SEL1L3: variants seen among roughly 807,000 people sequenced by gnomAD.
SEL1L3 encodes SEL1L family member 3.
In SEL1L3, 76 loss-of-function variants were observed where a neutral mutation model predicts 142.8. The ratio of observed to expected loss-of-function variants is 0.53; its 90% confidence interval spans 0.44 to 0.64. The LOEUF is 0.64. SEL1L3 is among the 30% of genes least tolerant of loss of function. The pLI is 0.00. For missense variants in SEL1L3, 1,262 were observed against 1,381.7 expected, an observed-to-expected ratio of 0.91 and a Z score of 1.37; for synonymous variants, 504 against 519.6, an observed-to-expected ratio of 0.97 and a Z score of 0.41.
intron 17 of SEL1L3, among the ~76,000 whole-genome samples, chr4:25,773,821 T>C (rs1233057743): frequency 6.6e-6 from 1 of 152,196 alleles, no homozygotes; most frequent in African/African-American, 2.4e-5. Flanking sequence ...TCTTTGCTTT[T>C]GTTCCTGCAA....
chr4:25,827,826 G>T (rs577895173), intron 6 of SEL1L3, among the ~76,000 whole-genome samples: 31 of 150,332 alleles, frequency 2.1e-4, no homozygotes, highest in Non-Finnish European at 4.4e-4. Flanking sequence ...GGAGCTGGAC[G>T]TGGGTTTCAG....
At position 25,809,097 on chromosome 4, in the gene SEL1L3, G is replaced by T. The variant is rs1025891543; in HGVS notation, c.1565-4345C>A. Among the ~76,000 whole-genome samples, 416 of 147,436 alleles carry T rather than the reference G, an allele frequency of 2.8e-3. 3 individuals are homozygous for T. The highest frequency in any genetic ancestry group is 9.6e-3 in the African/African-American group (388 of 40,396). Reference sequence around the variant, plus strand: ...CAAAAAAAAAAAAAAAAGCCTATTTGTATCTTTCTATGTACTGGGTAAATT... The same window carrying T: ...CAAAAAAAAAAAAAAAAGCCTATTTTTATCTTTCTATGTACTGGGTAAATT... On this transcript the variant is annotated intron_variant, in intron 9 of 23. Coordinates refer to ENST00000399878, the MANE Select transcript of SEL1L3 (RefSeq NM_015187.5).
intron 3 of SEL1L3, 33 bp downstream of exon 3, chr4:25,835,164 C>T (rs1560344017): frequency 2.5e-6 from 4 of 1,611,830 alleles, no homozygotes; most frequent in African/African-American, 1.3e-5. Flanking sequence ...ACAAGCACCG[C>T]CCGATCAGCT....
In SEL1L3 at chr4:25,822,401, G is replaced by A. The variant is rs1577658964; in HGVS notation, c.1158-273C>T. ...AATGATAGTTCTCCACTTACTGGAT[G>A]GTTAAGAGGATTACGTGAAGTGTAA... On this transcript the variant is annotated intron_variant, in intron 6 of 23. Transcript: ENST00000399878. Among the ~76,000 whole-genome samples the A allele has an allele frequency of 2.0e-5, 3 of 152,296 alleles. 1 individual carries two copies. The East Asian group carries it at 5.8e-4, about 29-fold the overall frequency.
chr4:25,800,836 G>T (rs1009190767), intron 11 of SEL1L3, among the ~76,000 whole-genome samples: 4 of 152,148 alleles, frequency 2.6e-5, no homozygotes, highest in Admixed American at 6.5e-5. Context: ...GTGTTTTATA[G>T]CTTGACTCAT....
chr4:25,724,292 G>A, the SEL1L3 span, among the ~76,000 whole-genome samples: 1,184 of 152,096 alleles, frequency 7.8e-3, 13 homozygotes, highest in African/African-American at 0.027. Context: ...GGTGGAGAAC[G>A]CCTGTAGTCC....
At chr4:25,744,938 T>C (rs1717216594), downstream of SEL1L3, among the ~76,000 whole-genome samples, 1 of 152,182 alleles carries the variant, frequency 6.6e-6, no homozygotes. Flanking sequence ...TGTGAGAAAA[T>C]AAATTTCTGT....
At chr4:25,769,995 G>A (rs1324130847) in intron 17 of SEL1L3, among the ~76,000 whole-genome samples, 1 of 152,056 alleles carries the variant, frequency 6.6e-6, no homozygotes, top group Non-Finnish European at 1.5e-5. Context: ...CGGCATGGTG[G>A]TGCATGCCTG....
chr4:25,776,664 ATT>A, intron 16 of SEL1L3: 1 of 237,838 alleles, frequency 4.2e-6, no homozygotes. Flanking sequence ...CTAGTACTCT[ATT>A]AAGTCATGTT....
chr4:25,842,920 G>A (rs182009479), intron 2 of SEL1L3, among the ~76,000 whole-genome samples: 7 of 152,344 alleles, frequency 4.6e-5, no homozygotes, highest in Admixed American at 1.3e-4. Context: ...AGGCAGGGCG[G>A]TGGGGGTGGG....
intron 2 of SEL1L3, among the ~76,000 whole-genome samples, chr4:25,845,636 G>A (rs41446452): frequency 0.015 from 2,271 of 151,842 alleles, 47 homozygotes; most frequent in African/African-American, 0.047. Flanking sequence ...CCAAGAAATC[G>A]CCACAGTCAT....
chr4:25,793,443 C>T (rs928498796), intron 11 of SEL1L3, among the ~76,000 whole-genome samples: 1 of 152,004 alleles, frequency 6.6e-6, no homozygotes, highest in African/African-American at 2.4e-5. Context: ...ACCACCAAGC[C>T]CAGCTATTTT....
intron 7 of SEL1L3, 100 bp from the exon 8 acceptor site, chr4:25,820,040 A>G: frequency 8.5e-7 from 1 of 1,172,832 alleles, no homozygotes; most frequent in Non-Finnish European, 1.2e-6. Flanking sequence ...TCCCATTGAC[A>G]TCTCCAGGTG....
chr4:25,844,716 C>T (rs529243452), intron 2 of SEL1L3, among the ~76,000 whole-genome samples: 6 of 152,286 alleles, frequency 3.9e-5, no homozygotes, highest in East Asian at 1.9e-4. Context: ...CTGACAAAGT[C>T]GGAGGTACAG....
intron 14 of SEL1L3, 142 bp downstream of exon 14, chr4:25,784,086 G>A (rs774384601): frequency 4.4e-5 from 31 of 709,860 alleles, no homozygotes; most frequent in East Asian, 1.3e-4. Flanking sequence ...TGGGGGTGCC[G>A]TGCTGGCGAC....
chr4:25,852,040 T>C (rs1716941397), intron 1 of SEL1L3, among the ~76,000 whole-genome samples: 1 of 152,106 alleles, frequency 6.6e-6, no homozygotes, highest in Non-Finnish European at 1.5e-5. Context: ...AAACTGTCCA[T>C]GCCACCCCCC....
intron 2 of SEL1L3, among the ~76,000 whole-genome samples, chr4:25,842,384 C>T (rs113034316): frequency 1.4e-5 from 2 of 147,712 alleles, no homozygotes; most frequent in African/African-American, 5.0e-5. Context: ...GCTTCGTGGG[C>T]AGGGGGAGTC....
intron 1 of SEL1L3, among the ~76,000 whole-genome samples, chr4:25,854,285 GC>G (rs1560361811): frequency 6.6e-6 from 1 of 151,944 alleles, no homozygotes; most frequent in Non-Finnish European, 1.5e-5. Context: ...AAATTATCAA[GC>G]TTTTTTTTTG....
chr4:25,751,162 C>T (rs1717563143), intron 23 of SEL1L3, among the ~76,000 whole-genome samples: 1 of 152,104 alleles, frequency 6.6e-6, no homozygotes. Flanking sequence ...TGGCTCCAGA[C>T]ATATACTTTG....
Sources: gnomAD v4.1 joint callset for allele counts (sites outside exome capture counted in the v4.1 genomes callset) on GRCh38, gnomAD v4.1.1 for gene constraint, MANE v1.5 for transcripts, NCBI Gene and HGNC (gene_info 2026-07-23, HGNC 2026-07-21) for gene names.